KANSL1L: variants seen among roughly 807,000 people sequenced by gnomAD.
The protein encoded by KANSL1L is KAT8 regulatory NSL complex subunit 1-like protein.
A neutral mutation model predicts 108.6 loss-of-function variants in KANSL1L; 25 were observed. The observed-to-expected ratio is 0.23, with a 90% CI of 0.17 to 0.32. The LOEUF is 0.32. Among genes scored for constraint, KANSL1L ranks in the 10% least tolerant of loss-of-function variants. The pLI is 1.00. For missense variants in KANSL1L, 1,137 were observed against 1,125.7 expected, an observed-to-expected ratio of 1.01 and a Z score of -0.14; for synonymous variants, 405 against 395.1, an observed-to-expected ratio of 1.03 and a Z score of -0.30.
intron 2 of KANSL1L, among the ~76,000 whole-genome samples, chr2:210,135,378 T>A (rs566236387): frequency 4.6e-5 from 7 of 152,294 alleles, no homozygotes; most frequent in Admixed American, 2.0e-4. Context: ...TGTTTTCCCC[T>A]AATATCCATC....
intron 4 of KANSL1L, among the ~76,000 whole-genome samples, chr2:210,100,443 T>C (rs1402811452): frequency 6.6e-6 from 1 of 152,246 alleles, no homozygotes; most frequent in African/African-American, 2.4e-5. Flanking sequence ...TGAATCAATG[T>C]TATTTTTTAA....
intron 4 of KANSL1L, among the ~76,000 whole-genome samples, chr2:210,100,853 G>C (rs775954403): frequency 1.3e-5 from 2 of 152,106 alleles, no homozygotes; most frequent in Non-Finnish European, 2.9e-5. Context: ...GCCCAGGCTG[G>C]TCTCAAACTC....
intron 3 of KANSL1L, 97 bp from the exon 4 acceptor site, chr2:210,104,398 C>T: frequency 1.2e-6 from 1 of 817,602 alleles, no homozygotes; most frequent in Non-Finnish European, 1.9e-6. Flanking sequence ...TTCCACTTAT[C>T]TCTTGGAATT....
intron 3 of KANSL1L, among the ~76,000 whole-genome samples, chr2:210,127,198 A>G (rs2095074047): frequency 6.6e-6 from 1 of 152,214 alleles, no homozygotes; most frequent in African/African-American, 2.4e-5. Context: ...AGGCCATTCA[A>G]TGGAAAAACA....
chr2:210,122,656 C>T (rs906075308), intron 3 of KANSL1L, among the ~76,000 whole-genome samples: 1 of 151,986 alleles, frequency 6.6e-6, no homozygotes, highest in Admixed American at 6.6e-5. Context: ...GCACAGGCAA[C>T]CAAAGAAAAA....
At chr2:210,105,367 GAA>G (rs60657600) in intron 3 of KANSL1L, among the ~76,000 whole-genome samples, 7 of 140,862 alleles carry the variant, frequency 5.0e-5, no homozygotes, top group South Asian at 2.2e-4. Context: ...ATATATATTT[GAA>G]AAAAAATATA....
chr2:210,120,999 G>C (rs2095013505), intron 3 of KANSL1L, among the ~76,000 whole-genome samples: 1 of 152,098 alleles, frequency 6.6e-6, no homozygotes, highest in Non-Finnish European at 1.5e-5. Context: ...AAAAATAACA[G>C]ATGTTGGCAA....
At chr2:210,069,046 T>C (rs1345559579) in intron 6 of KANSL1L, among the ~76,000 whole-genome samples, 1 of 152,174 alleles carries the variant, frequency 6.6e-6, no homozygotes, top group African/African-American at 2.4e-5. Context: ...ACTTTATCTC[T>C]TTCCTCTCAT....
chr2:210,062,315 G>A (rs368119190), intron 6 of KANSL1L, among the ~76,000 whole-genome samples: 25 of 152,228 alleles, frequency 1.6e-4, no homozygotes, highest in Admixed American at 5.9e-4. Flanking sequence ...CACCAGCCAC[G>A]TGGAACCGTA....
chr2:210,100,502 T>G (rs1396913081), intron 4 of KANSL1L, among the ~76,000 whole-genome samples: 2 of 152,238 alleles, frequency 1.3e-5, no homozygotes, highest in African/African-American at 4.8e-5. Context: ...CTTCCAACTC[T>G]AACAAAACTA....
At chr2:210,155,215 C>G (rs533253205) in intron 1 of KANSL1L, 2 of 152,272 alleles carry the variant, frequency 1.3e-5, no homozygotes, top group African/African-American at 2.4e-5. Flanking sequence ...AGTTCGAGAT[C>G]AGCATGGCCA....
At chr2:210,026,391 A>G (rs930088890) in intron 12 of KANSL1L, 2 of 152,214 alleles carry the variant, frequency 1.3e-5, no homozygotes, top group Non-Finnish European at 2.9e-5. Context: ...TGCAATTCCA[A>G]AATCCAAAAA....
intron 6 of KANSL1L, among the ~76,000 whole-genome samples, chr2:210,067,716 CAAAAAAAAAA>C (rs569072484): frequency 1.6e-4 from 15 of 92,942 alleles, no homozygotes; most frequent in Non-Finnish European, 1.4e-4. Context: ...ACCCTGTCTC[CAAAAAAAAAA>C]AAAAAAAAAA....
chr2:210,118,714 G>A (rs1051667150), intron 3 of KANSL1L, among the ~76,000 whole-genome samples: 1 of 151,894 alleles, frequency 6.6e-6, no homozygotes, highest in East Asian at 1.9e-4. Context: ...ACATGTGGTG[G>A]TGTGTGCCTG....
intron 4 of KANSL1L, among the ~76,000 whole-genome samples, chr2:210,102,468 G>A (rs186073116): frequency 0.01 from 1,544 of 152,188 alleles, 11 homozygotes; most frequent in Middle Eastern, 0.034. Context: ...TGACAAATGG[G>A]ATCTAATTAA....
chr2:210,136,574 T>G (rs756375009), intron 2 of KANSL1L, among the ~76,000 whole-genome samples: 3 of 152,188 alleles, frequency 2.0e-5, no homozygotes, highest in African/African-American at 4.8e-5. Context: ...ATGTCTCACT[T>G]TTGTTCAGGA....
At chr2:210,108,671 T>C (rs1187599923) in intron 3 of KANSL1L, among the ~76,000 whole-genome samples, 2 of 152,160 alleles carry the variant, frequency 1.3e-5, no homozygotes, top group Non-Finnish European at 2.9e-5. Context: ...AGAGGAGAGA[T>C]TATGCGGTGA....
In KANSL1L at chr2:210,044,989, G is replaced by A. The variant is rs1575408618; in HGVS notation, c.1756-885C>T. ...TTCACCAGTTGGCCAGGCTGGTCTC[G>A]AACTCCTGACCTCAAGTGATTCAGC... On this transcript the variant is annotated intron_variant, in intron 6 of 14. Coordinates refer to ENST00000281772, the MANE Select transcript of KANSL1L (RefSeq NM_152519.4). The surrounding 1 kb of genome is among the most constrained non-coding windows in gnomAD (Gnocchi z 4.2). Among the ~76,000 whole-genome samples the A allele has an allele frequency of 6.6e-6, 1 of 151,936 alleles. No homozygotes were observed.
chr2:210,051,638 A>G (rs2125229659), intron 6 of KANSL1L, among the ~76,000 whole-genome samples: 1 of 152,264 alleles, frequency 6.6e-6, no homozygotes, highest in Non-Finnish European at 1.5e-5. Context: ...TGGAGACATT[A>G]TTCTATTTTC....
Sources: gnomAD v4.1 joint callset for allele counts (sites outside exome capture counted in the v4.1 genomes callset) on GRCh38, gnomAD v4.1.1 for gene constraint, Gnocchi (gnomAD v3.1) non-coding constraint, MANE v1.5 for transcripts, NCBI Gene and HGNC (gene_info 2026-07-23, HGNC 2026-07-21) for gene names.